Variants in HS3ST5 observed in about 807,000 individuals in gnomAD.
HS3ST5 encodes the protein heparan sulfate-glucosamine 3-sulfotransferase 5, also known as heparan sulfate glucosamine 3-O-sulfotransferase 5.
A neutral mutation model predicts 25.4 loss-of-function variants in HS3ST5; 10 were observed. The observed-to-expected ratio is 0.39, with a 90% CI of 0.24 to 0.67. The LOEUF (loss-of-function observed/expected upper bound fraction) is 0.67, where lower values mean the gene tolerates loss of function less well. Ranked by LOEUF, HS3ST5 falls within the 30% of genes least tolerant of loss-of-function variation. The probability of loss-of-function intolerance (pLI) is 0.44; values close to 1 mark genes in which losing one functional copy is unlikely to be tolerated. For synonymous variants in HS3ST5, 170 were observed against 162.4 expected, an observed-to-expected ratio of 1.05 and a Z score of -0.36; for missense variants, 324 against 420.7, an observed-to-expected ratio of 0.77 and a Z score of 2.01.
chr6:114,295,229 G>C (rs1774764996), intron 1 of HS3ST5, among the ~76,000 whole-genome samples: 2 of 152,088 alleles, frequency 1.3e-5, no homozygotes, highest in African/African-American at 2.4e-5. Context: ...ATTTGAATCA[G>C]AACTGTCTTC....
chr6:114,060,181 T>G (rs371295102), intron 4 of HS3ST5, among the ~76,000 whole-genome samples: 2 of 151,712 alleles, frequency 1.3e-5, no homozygotes, highest in East Asian at 3.9e-4. Context: ...ACCCAGCTAA[T>G]TTTTGTATTT....
intron 1 of HS3ST5, among the ~76,000 whole-genome samples, chr6:114,268,252 C>G (rs1470032999): frequency 1.3e-5 from 2 of 151,856 alleles, no homozygotes; most frequent in African/African-American, 4.8e-5. Context: ...CGGGTTTACT[C>G]AGTTCTCTTA....
At chr6:114,185,249 T>C (rs1437378915) in intron 2 of HS3ST5, among the ~76,000 whole-genome samples, 1 of 152,176 alleles carries the variant, frequency 6.6e-6, no homozygotes, top group East Asian at 1.9e-4. Context: ...TAGCCCCTGA[T>C]AAAATGCGTT....
At chr6:114,317,018 T>G (rs992473959) in intron 1 of HS3ST5, among the ~76,000 whole-genome samples, 7 of 152,174 alleles carry the variant, frequency 4.6e-5, no homozygotes, top group African/African-American at 2.4e-5. Context: ...TAAAAGCAAA[T>G]TATTCTTCTA....
intron 2 of HS3ST5, among the ~76,000 whole-genome samples, chr6:114,196,169 T>A (rs1780742412): frequency 6.6e-6 from 1 of 152,184 alleles, no homozygotes; most frequent in African/African-American, 2.4e-5. Context: ...TGTCCACACT[T>A]CTTAATTCTC....
intron 1 of HS3ST5, among the ~76,000 whole-genome samples, chr6:114,296,825 C>T (rs1018990067): frequency 3.3e-5 from 5 of 151,994 alleles, no homozygotes; most frequent in Non-Finnish European, 5.9e-5. Flanking sequence ...AGGTGAAGCA[C>T]GAAATCATGC....
At chr6:114,084,637 A>C in intron 3 of HS3ST5, 1 of 864,946 alleles carries the variant, frequency 1.2e-6, no homozygotes, top group Non-Finnish European at 2.0e-6. Context: ...GGTTAACATA[A>C]GATGCCTTAA....
chr6:114,241,004 C>T (rs1772090093), intron 1 of HS3ST5, among the ~76,000 whole-genome samples: 1 of 151,832 alleles, frequency 6.6e-6, no homozygotes, highest in Non-Finnish European at 1.5e-5. Flanking sequence ...AAAGCAATGA[C>T]TCACTAATGA....
chr6:114,105,615 G>A (rs1377104484), intron 3 of HS3ST5, among the ~76,000 whole-genome samples: 1 of 152,124 alleles, frequency 6.6e-6, no homozygotes, highest in African/African-American at 2.4e-5. Flanking sequence ...CAATTTTCAA[G>A]AATTAAATTT....
intron 1 of HS3ST5, among the ~76,000 whole-genome samples, chr6:114,256,258 G>A (rs974864516): frequency 2.0e-5 from 3 of 151,832 alleles, no homozygotes; most frequent in Non-Finnish European, 4.4e-5. Flanking sequence ...CGTGGTGGTG[G>A]GCGCCTGTAG....
At chr6:114,177,805 G>T (rs977656921) in intron 2 of HS3ST5, among the ~76,000 whole-genome samples, 2 of 152,150 alleles carry the variant, frequency 1.3e-5, no homozygotes, top group African/African-American at 4.8e-5. Context: ...AACAAACTCT[G>T]TAAAATTATA....
At chr6:114,186,457 T>A (rs368060376) in intron 2 of HS3ST5, among the ~76,000 whole-genome samples, 105 of 152,246 alleles carry the variant, frequency 6.9e-4, no homozygotes, top group African/African-American at 2.3e-3. Context: ...TCCCCTAAGT[T>A]AAAGACTAAT....
At chr6:114,186,795 G>A (rs1780237225) in intron 2 of HS3ST5, among the ~76,000 whole-genome samples, 1 of 152,198 alleles carries the variant, frequency 6.6e-6, no homozygotes, top group Non-Finnish European at 1.5e-5. Flanking sequence ...AAACTTCAAA[G>A]ACTAGACTGC....
intron 2 of HS3ST5, chr6:114,179,037 A>G (rs1481319002): frequency 6.6e-6 from 1 of 152,228 alleles, no homozygotes; most frequent in Non-Finnish European, 1.5e-5. Context: ...AGCCACTCCC[A>G]GTCAAGGACT....
chr6:114,064,118 C>T (rs375053824), intron 3 of HS3ST5, among the ~76,000 whole-genome samples: 1 of 152,016 alleles, frequency 6.6e-6, no homozygotes, highest in East Asian at 1.9e-4. Flanking sequence ...AAATAGTAAC[C>T]CAAGAAGGAA....
In HS3ST5 at chr6:114,056,377, T is replaced by TC. The variant is rs1402446251; in HGVS notation, c.*879dup. On this transcript the variant is annotated 3_prime_UTR_variant, in exon 5 of 5. Coordinates refer to ENST00000312719, the MANE Select transcript of HS3ST5 (RefSeq NM_153612.4). ...GGGAAGCACATCTTTCCAAGTGCTC[T>TC]CATATGCACGTAAACAGCTTCCATT... The TC allele has an allele frequency of 2.0e-5, 3 of 151,878 alleles. No individual in the cohort carries two copies. Among genetic ancestry groups the TC allele is most frequent in the African/African-American group, 7.3e-5 (3 of 41,348 alleles). The allele number at this position is 151,878 out of a possible 1,614,324, so 9.4% of individuals were successfully genotyped here.
At chr6:114,083,771 G>C (rs117836639) in intron 3 of HS3ST5, among the ~76,000 whole-genome samples, 1 of 152,220 alleles carries the variant, frequency 6.6e-6, no homozygotes, top group Non-Finnish European at 1.5e-5. Flanking sequence ...ACCCCATTGA[G>C]TATTCCTCTT....
intron 1 of HS3ST5, among the ~76,000 whole-genome samples, chr6:114,290,697 C>T (rs1051392182): frequency 2.6e-5 from 4 of 151,984 alleles, no homozygotes; most frequent in African/African-American, 9.7e-5. Context: ...AACACAGGCT[C>T]ATTGGGAACA....
chr6:114,093,739 G>A lies in HS3ST5; in HGVS notation c.-32-30862C>T, dbSNP rs551578901. ...CCAAGCTGGAACTAAAATCTGAGCA[G>A]ACAAAAAAAACGAAAACAAGCCTGC... On this transcript the variant is annotated intron_variant, in intron 3 of 4. Coordinates refer to ENST00000312719, the MANE Select transcript of HS3ST5 (RefSeq NM_153612.4). Among the ~76,000 whole-genome samples the A allele has an allele frequency of 5.5e-4, 83 of 151,742 alleles. 1 individual carries two copies. Among genetic ancestry groups the A allele is most frequent in the South Asian group, 6.2e-4 (3 of 4,812 alleles).
Sources: gnomAD v4.1 joint callset for allele counts (sites outside exome capture counted in the v4.1 genomes callset) on GRCh38, gnomAD v4.1.1 for gene constraint, MANE v1.5 for transcripts, NCBI Gene and HGNC (gene_info 2026-07-23, HGNC 2026-07-21) for gene names.